PDE11A: variants seen among roughly 807,000 people sequenced by gnomAD.
The protein encoded by PDE11A is dual 3',5'-cyclic-AMP and -GMP phosphodiesterase 11A.
In PDE11A, 100 loss-of-function variants were observed where a neutral mutation model predicts 100.5. The observed-to-expected ratio is 1.00, with a 90% CI of 0.85 to 1.18. PDE11A has a LOEUF of 1.18. Among genes scored for constraint, PDE11A ranks in the 50% most tolerant of loss-of-function variants. The probability of loss-of-function intolerance (pLI) is 0.00; values close to 1 mark genes in which losing one functional copy is unlikely to be tolerated. For synonymous variants in PDE11A, 381 were observed against 420.8 expected (o/e 0.91, Z 1.16); for missense variants, 1,141 against 1,152.6 (o/e 0.99, Z 0.15).
rs1208730859 is a variant in PDE11A, at chr2:177,744,678, C to A, written c.1789-16506G>T. Among the ~76,000 whole-genome samples the A allele has an allele frequency of 4.6e-5, 7 of 152,198 alleles. No homozygotes were observed. In the East Asian group the frequency reaches 1.3e-3, roughly 29 times the overall value. ...CTTTCCTACATGTGAGAGGATTCTA[C>A]ATAAGCATGCATTGCCATGTGACCC... is the stretch of plus-strand genomic sequence containing the variant. On this transcript the variant is annotated intron_variant, in intron 10 of 19. Transcript: ENST00000286063.
At chr2:177,734,881 A>T (rs768993808) in intron 10 of PDE11A, among the ~76,000 whole-genome samples, 10 of 152,182 alleles carry the variant, frequency 6.6e-5, no homozygotes, top group Non-Finnish European at 1.2e-4. Flanking sequence ...AGCCCCATAG[A>T]AGGATAGGGT....
chr2:177,932,154 G>T (rs551091706), intron 2 of PDE11A, among the ~76,000 whole-genome samples: 13 of 151,966 alleles, frequency 8.6e-5, no homozygotes, highest in African/African-American at 3.1e-4. Context: ...CAATATCTGA[G>T]ATAGAATCAG....
At chr2:177,958,852 A>G (rs2085597166) in intron 2 of PDE11A, among the ~76,000 whole-genome samples, 1 of 152,214 alleles carries the variant, frequency 6.6e-6, no homozygotes, top group Admixed American at 6.5e-5. Flanking sequence ...AATTTATGAA[A>G]TAAAAGGAGA....
intron 4 of PDE11A, among the ~76,000 whole-genome samples, chr2:177,878,808 T>G (rs1459766982): frequency 2.0e-5 from 3 of 152,170 alleles, no homozygotes; most frequent in African/African-American, 4.8e-5. Context: ...CAGCAGCAAA[T>G]TATTTGGACA....
intron 17 of PDE11A, 75 bp downstream of exon 17, chr2:177,675,380 G>C: frequency 9.6e-7 from 1 of 1,045,368 alleles, no homozygotes; most frequent in Non-Finnish European, 1.5e-6. Flanking sequence ...GGTAGTCAGG[G>C]CTCTGGGAAT....
At chr2:177,877,436 A>G (rs971553193) in intron 4 of PDE11A, among the ~76,000 whole-genome samples, 1 of 152,112 alleles carries the variant, frequency 6.6e-6, no homozygotes, top group Non-Finnish European at 1.5e-5. Context: ...AAGTGCTGAG[A>G]TTACAGGCAC....
chr2:177,917,419 T>A (rs1213565379), intron 2 of PDE11A, among the ~76,000 whole-genome samples: 1 of 152,226 alleles, frequency 6.6e-6, no homozygotes, highest in Non-Finnish European at 1.5e-5. Context: ...ATCCTTGCAA[T>A]GTGACAAGAA....
chr2:177,626,379 G>A lies in PDE11A; in HGVS notation c.*3028C>T, dbSNP rs761592692. ...TTTATTGTTGGGGAGGATAACAGAT[G>A]TGGGCTCATCTCTGCCTCACACAGA... On this transcript the variant is annotated 3_prime_UTR_variant, in exon 20 of 20. Coordinates refer to ENST00000286063, the MANE Select transcript of PDE11A (RefSeq NM_016953.4). The A allele has an allele frequency of 6.6e-6, 1 of 152,572 alleles. No homozygotes were observed. The highest frequency in any genetic ancestry group is 1.5e-5 in the Non-Finnish European group (1 of 68,034). 9.5% of individuals were successfully genotyped at this position (152,572 alleles called of 1,614,324 possible). A position where few individuals can be genotyped will look rare whatever the true frequency, so the allele number is the denominator to read the frequency against.
chr2:177,749,159 C>T (rs970106068), intron 10 of PDE11A, among the ~76,000 whole-genome samples: 1 of 151,976 alleles, frequency 6.6e-6, no homozygotes, highest in African/African-American at 2.4e-5. Flanking sequence ...AGAGTATCAC[C>T]CATCTACCAT....
chr2:177,997,420 C>T, intron 2 of PDE11A: 1 of 827,752 alleles, frequency 1.2e-6, no homozygotes. Context: ...CAATCTCAAC[C>T]TTTTATACAG....
Position 178,060,098 on chromosome 2 carries a change from G to C in PDE11A, c.912+11428C>G, listed in dbSNP as rs2086948147. On this transcript the variant is annotated intron_variant, in intron 1 of 19. Transcript: ENST00000286063. Reference sequence around the variant, plus strand: ...CTGTCTCTTCCCTCATCTGCTGATGGGCTGTTAATGCTGACAGCACCCTTT... The same window carrying C: ...CTGTCTCTTCCCTCATCTGCTGATGCGCTGTTAATGCTGACAGCACCCTTT... Among the ~76,000 whole-genome samples, 3 of 152,264 alleles carry C rather than the reference G, an allele frequency of 2.0e-5. 1 individual carries two copies. Among genetic ancestry groups the C allele is most frequent in the Admixed American group, 2.0e-4 (3 of 15,304 alleles).
At chr2:177,740,374 C>T (rs1190397611) in intron 10 of PDE11A, among the ~76,000 whole-genome samples, 2 of 152,184 alleles carry the variant, frequency 1.3e-5, no homozygotes, top group Non-Finnish European at 2.9e-5. Flanking sequence ...GGGTGGAACA[C>T]GCATTAGAAA....
At chr2:177,734,397 G>C (rs2081742374) in intron 10 of PDE11A, among the ~76,000 whole-genome samples, 2 of 152,124 alleles carry the variant, frequency 1.3e-5, no homozygotes, top group Admixed American at 6.5e-5. Flanking sequence ...TTATGAAAAA[G>C]TAAGTTTTTG....
chr2:177,751,086 C>T (rs1369992941), intron 10 of PDE11A, among the ~76,000 whole-genome samples: 6 of 151,614 alleles, frequency 4.0e-5, no homozygotes, highest in Non-Finnish European at 8.8e-5. Context: ...ACTTATGCAT[C>T]CCAATTATCC....
intron 2 of PDE11A, among the ~76,000 whole-genome samples, chr2:177,968,475 T>C (rs1002734911): frequency 1.3e-5 from 2 of 152,228 alleles, no homozygotes; most frequent in Non-Finnish European, 2.9e-5. Flanking sequence ...TTTGTAATTC[T>C]GATGTTCTTC....
intron 12 of PDE11A, among the ~76,000 whole-genome samples, chr2:177,720,763 G>T (rs1257146404): frequency 6.6e-6 from 1 of 152,124 alleles, no homozygotes; most frequent in Non-Finnish European, 1.5e-5. Flanking sequence ...TATTGATTTG[G>T]CATTAATTAA....
chr2:178,017,756 C>G (rs1378349105), intron 1 of PDE11A, among the ~76,000 whole-genome samples: 1 of 151,944 alleles, frequency 6.6e-6, no homozygotes, highest in Non-Finnish European at 1.5e-5. Context: ...GTCAGGAGTT[C>G]GAGACCAGCC....
intron 11 of PDE11A, 75 bp from the exon 12 acceptor site, chr2:177,727,840 T>C: frequency 9.8e-7 from 1 of 1,015,234 alleles, no homozygotes; most frequent in Non-Finnish European, 1.6e-6. Context: ...TGGTGCCTTA[T>C]ATCTGAGTAA....
chr2:177,789,667 A>C (rs1157672532), intron 9 of PDE11A, among the ~76,000 whole-genome samples: 1 of 152,126 alleles, frequency 6.6e-6, no homozygotes, highest in African/African-American at 2.4e-5. Flanking sequence ...AATCTTCTTA[A>C]GGTGATAAGC....
Sources: gnomAD v4.1 joint callset for allele counts (sites outside exome capture counted in the v4.1 genomes callset) on GRCh38, gnomAD v4.1.1 for gene constraint, MANE v1.5 for transcripts, NCBI Gene and HGNC (gene_info 2026-07-23, HGNC 2026-07-21) for gene names.